The following DNM1L variants were observed in gnomAD, a reference collection of about 807,000 sequenced individuals.
DNM1L encodes the protein dynamin-1-like protein.
A neutral mutation model predicts 92.8 loss-of-function variants in DNM1L; 33 were observed. That is an observed-to-expected ratio of 0.36 (90% CI 0.27 to 0.48). The LOEUF (loss-of-function observed/expected upper bound fraction) is 0.48. Among genes scored for constraint, DNM1L ranks in the 20% least tolerant of loss-of-function variants. DNM1L has a pLI of 0.99. For synonymous variants in DNM1L, 284 were observed against 305.0 expected (o/e 0.93, Z 0.72); for missense variants, 485 against 888.8 (o/e 0.55, Z 5.78).
chr12:32,714,654 T>C (rs1169040366), intron 6 of DNM1L, among the ~76,000 whole-genome samples: 3 of 152,138 alleles, frequency 2.0e-5, no homozygotes, highest in Non-Finnish European at 4.4e-5. Flanking sequence ...AATTAAAAGA[T>C]AAACTATATC....
chr12:32,732,473 T>C, intron 12 of DNM1L: 1 of 454,452 alleles, frequency 2.2e-6, no homozygotes, highest in Non-Finnish European at 4.4e-6. Flanking sequence ...CATTTAAAAT[T>C]GCCCTCATGC....
At chr12:32,708,481 T>C (rs914355489) in intron 4 of DNM1L, among the ~76,000 whole-genome samples, 4 of 152,196 alleles carry the variant, frequency 2.6e-5, no homozygotes, top group African/African-American at 9.6e-5. Context: ...TAGATGTTTA[T>C]TGTTGTTCCT....
chr12:32,691,252 T>C (rs1952220163), intron 1 of DNM1L, among the ~76,000 whole-genome samples: 1 of 152,100 alleles, frequency 6.6e-6, no homozygotes, highest in African/African-American at 2.4e-5. Context: ...GTAGCCTTGT[T>C]TTTTTTAGAT....
At chr12:32,717,214 A>T (rs1189564533) in intron 6 of DNM1L, among the ~76,000 whole-genome samples, 1 of 112,830 alleles carries the variant, frequency 8.9e-6, no homozygotes, top group Non-Finnish European at 1.7e-5. Flanking sequence ...TATACTATAA[A>T]ATATATAGTA....
At chr12:32,725,897 G>T (rs1464424167) in intron 9 of DNM1L, among the ~76,000 whole-genome samples, 1 of 150,198 alleles carries the variant, frequency 6.7e-6, no homozygotes, top group Non-Finnish European at 1.5e-5. Flanking sequence ...GAGCCACCGC[G>T]ACTGGCATGC....
intron 6 of DNM1L, among the ~76,000 whole-genome samples, chr12:32,717,934 A>AG (rs1565519001): frequency 1.2e-5 from 1 of 82,652 alleles, no homozygotes; most frequent in Non-Finnish European, 2.3e-5. Flanking sequence ...TATATTTTAT[A>AG]TATATATAAA....
chr12:32,743,256 AACCTACCACAT>A, intron 19 of DNM1L, 87 bp from the exon 20 acceptor site: 1 of 1,089,126 alleles, frequency 9.2e-7, no homozygotes, highest in Non-Finnish European at 1.4e-6. Context: ...GTTAGTTATA[AACCTACCACAT>A]ATATATTGGA....
intron 9 of DNM1L, among the ~76,000 whole-genome samples, chr12:32,724,908 A>T (rs10844321): frequency 6.6e-6 from 1 of 151,692 alleles, no homozygotes; most frequent in Non-Finnish European, 1.5e-5. Context: ...AAACAGTACT[A>T]CACATTTTAA....
At chr12:32,707,625 T>TG (rs1952976489) in intron 3 of DNM1L, among the ~76,000 whole-genome samples, 2 of 152,120 alleles carry the variant, frequency 1.3e-5, no homozygotes, top group African/African-American at 4.8e-5. Context: ...ATTTGGTGAT[T>TG]CTTAATTGTT....
In DNM1L at chr12:32,737,409, G is replaced by A. The variant is rs6488080; in HGVS notation, c.1596+248G>A. On this transcript the variant is annotated intron_variant, in intron 14 of 19. Coordinates refer to ENST00000549701, the MANE Select transcript of DNM1L (RefSeq NM_012062.5). ...ATTTATTTAAGCATTTAAGCATCAA[G>A]CTTTTTAAAAAAATTCAGTCAGTGA... is the stretch of plus-strand genomic sequence containing the variant. 64,419 of 471,772 alleles carry A rather than the reference G, an allele frequency of 0.14. 4,592 individuals are homozygous for A. Among genetic ancestry groups the A allele is most frequent in the Middle Eastern group, 0.18 (309 of 1,682 alleles). 29.2% of individuals were successfully genotyped at this position (471,772 alleles called of 1,614,324 possible). A position where few individuals can be genotyped will look rare whatever the true frequency, so the allele number is the denominator to read the frequency against.
chr12:32,720,130 TACTGTCATTCTCCCATCCCC>T (rs1009094921), intron 7 of DNM1L, among the ~76,000 whole-genome samples: 4 of 152,108 alleles, frequency 2.6e-5, no homozygotes, highest in African/African-American at 4.8e-5. Flanking sequence ...ATTCCAACCC[TACTGTCATTCTCCCATCCCC>T]ACTGTCATTC....
chr12:32,706,600 A>G (rs1952937124), intron 2 of DNM1L: 1 of 433,218 alleles, frequency 2.3e-6, no homozygotes, highest in East Asian at 7.1e-5. Context: ...CTATGACTGG[A>G]AACTAATGGA....
chr12:32,690,716 G>A (rs890314857), intron 1 of DNM1L, among the ~76,000 whole-genome samples: 1 of 152,100 alleles, frequency 6.6e-6, no homozygotes, highest in African/African-American at 2.4e-5. Flanking sequence ...CTTAAATGAG[G>A]TAAATCACTT....
In DNM1L at chr12:32,681,366, C is replaced by T. The variant is rs140176143; in HGVS notation, c.102+1901C>T. Reference sequence around the variant, plus strand: ...AGGAGTTCAAGACCAGCCTGGGCAACGTGGGGAAACTCCATCTTTACGAAA... The same window carrying T: ...AGGAGTTCAAGACCAGCCTGGGCAATGTGGGGAAACTCCATCTTTACGAAA... On this transcript the variant is annotated intron_variant, in intron 1 of 19. Coordinates refer to ENST00000549701, the MANE Select transcript of DNM1L (RefSeq NM_012062.5). 7.5e-3 allele frequency among the ~76,000 whole-genome samples: 1,149 copies of T among 152,234 alleles called. 10 individuals are homozygous for T. The highest frequency in any genetic ancestry group is 0.016 in the South Asian group (75 of 4,828).
intron 18 of DNM1L, among the ~76,000 whole-genome samples, chr12:32,742,111 G>GTTTTTTTTTTTTTTTTTT (rs1473399438): frequency 6.8e-6 from 1 of 146,472 alleles, no homozygotes; most frequent in African/African-American, 2.5e-5. Flanking sequence ...TGTTGCTTTT[G>GTTTTTTTTTTTTTTTTTT]TTTTTTTTTT....
chr12:32,685,615 G>T (rs917583214), intron 1 of DNM1L, among the ~76,000 whole-genome samples: 6 of 151,740 alleles, frequency 4.0e-5, no homozygotes, highest in African/African-American at 9.7e-5. Context: ...CACCCACCTC[G>T]GCCTCCCAAA....
At position 32,713,378 on chromosome 12, in the gene DNM1L, A is replaced by T. The variant is rs775615240; in HGVS notation, c.619+7A>T. On this transcript the variant is annotated splice_region_variant and intron_variant, in intron 6 of 19. Transcript: ENST00000549701. Reference sequence around the variant, plus strand: ...AGAGAGGTAGATCCAGATGGTAAGGACAGATGTTAATTTAATGAGATGCTT... The same window carrying T: ...AGAGAGGTAGATCCAGATGGTAAGGTCAGATGTTAATTTAATGAGATGCTT... 41 of 1,613,660 alleles carry T rather than the reference A, an allele frequency of 2.5e-5. No homozygotes were observed. Among genetic ancestry groups the T allele is most frequent in the Admixed American group, 6.7e-5 (4 of 59,998 alleles).
At chr12:32,713,164 T>C (rs777384461) in intron 5 of DNM1L, 45 bp from the exon 6 acceptor site, 5 of 1,608,154 alleles carry the variant, frequency 3.1e-6, no homozygotes, top group East Asian at 2.2e-5. Context: ...AAAAGCTGAG[T>C]TGATTTTTAA....
chr12:32,702,134 T>G (rs990449883), intron 2 of DNM1L, among the ~76,000 whole-genome samples: 36 of 148,070 alleles, frequency 2.4e-4, no homozygotes, highest in African/African-American at 9.0e-4. Context: ...CTCAGGAGGC[T>G]GAGGCAGAAG....
Sources: allele counts gnomAD v4.1 joint callset (sites outside exome capture counted in the v4.1 genomes callset), GRCh38; gene constraint gnomAD v4.1.1; transcripts MANE v1.5; gene names NCBI Gene and HGNC (gene_info 2026-07-23, HGNC 2026-07-21).